The following ARHGAP35 variants were observed in gnomAD, a reference collection of about 807,000 sequenced individuals.
ARHGAP35 encodes Rho GTPase activating protein 35.
A neutral mutation model predicts 111.1 loss-of-function variants in ARHGAP35; 15 were observed. That is an observed-to-expected ratio of 0.13 (90% CI 0.09 to 0.21). The LOEUF (loss-of-function observed/expected upper bound fraction) is 0.21. Among genes scored for constraint, ARHGAP35 ranks in the 10% least tolerant of loss-of-function variants. The probability of loss-of-function intolerance (pLI) is 1.00; values close to 1 mark genes in which losing one functional copy is unlikely to be tolerated. For missense variants in ARHGAP35, 1,262 were observed against 1,873.0 expected (o/e 0.67, Z 6.02); for synonymous variants, 643 against 710.3 (o/e 0.91, Z 1.51).
chr19:46,891,976 A>T (rs949473053), intron 1 of ARHGAP35, among the ~76,000 whole-genome samples: 13 of 151,548 alleles, frequency 8.6e-5, no homozygotes, highest in Non-Finnish European at 1.9e-4. Context: ...TCCTGTCTTT[A>T]CCGAAAATAC....
rs2056745434 is a variant in ARHGAP35 at position 47,000,993 on chromosome 19, C to G, written c.*305C>G. 1 of 1,481,618 alleles carries G rather than the reference C, an allele frequency of 6.7e-7. No individual in the cohort carries two copies. The highest frequency in any genetic ancestry group is 1.4e-5 in the African/African-American group (1 of 71,898). The allele number at this position is 1,481,618 out of a possible 1,614,324, so 91.8% of individuals were successfully genotyped here. On this transcript the variant is annotated 3_prime_UTR_variant, in exon 7 of 7. Transcript: ENST00000672722. This position sits in a 1 kb window ranked among gnomAD's most constrained non-coding sequence, Gnocchi z 6.9. ...CACCCCACGTAGCTGCTCACACCAGCCTCCGGGTGCCTCCCTCTGCTTGTA... is the reference window on the plus strand; with the variant it reads ...CACCCCACGTAGCTGCTCACACCAGGCTCCGGGTGCCTCCCTCTGCTTGTA...
At chr19:46,916,216 G>T (rs1438436545) in intron 1 of ARHGAP35, among the ~76,000 whole-genome samples, 1 of 152,008 alleles carries the variant, frequency 6.6e-6, no homozygotes, top group African/African-American at 2.4e-5. Flanking sequence ...TTACAGGCGT[G>T]AGCCACCGCG....
intron 5 of ARHGAP35, among the ~76,000 whole-genome samples, chr19:46,996,591 T>G (rs112142551): frequency 6.6e-6 from 1 of 152,174 alleles, no homozygotes; most frequent in African/African-American, 2.4e-5. Context: ...CCAGCTCTTA[T>G]GTAAAGGTGC....
At position 47,000,441 on chromosome 19, in the gene ARHGAP35, C is replaced by T; in HGVS notation, c.4253C>T (p.Thr1418Met). 1.2e-6 allele frequency: 2 copies of T among 1,613,934 alleles called. No homozygotes were observed. Among genetic ancestry groups the T allele is most frequent in the Non-Finnish European group, 1.7e-6 (2 of 1,179,876 alleles). ...AGCACTATGGACGCCCTCACAGCCACGCGCACCTACCAGACAATCATTGAA... is the reference window on the plus strand; with the variant it reads ...AGCACTATGGACGCCCTCACAGCCATGCGCACCTACCAGACAATCATTGAA... ...DFSTMDALTA[T>M]RTYQTIIELF... Residue 1418 changes from threonine (T) to methionine (M), a missense_variant, in exon 7 of 7, where the codon ACG becomes ATG. Physicochemically the swap from Thr to Met is moderately conservative, Grantham distance 81. Around this residue, in one of 8 missense-constraint regions of ARHGAP35, gnomAD observed 23 missense variants for 63.9 expected, o/e 0.36. Transcript: ENST00000672722. The surrounding 1 kb of genome is among the most constrained non-coding windows in gnomAD (Gnocchi z 6.9).
intron 5 of ARHGAP35, among the ~76,000 whole-genome samples, chr19:46,998,735 G>A (rs914288630): frequency 3.3e-5 from 5 of 152,242 alleles, no homozygotes; most frequent in African/African-American, 1.2e-4. Flanking sequence ...TGGGCGTTGG[G>A]GGAAAAGGGG....
chr19:46,895,318 C>G (rs2056048097), intron 1 of ARHGAP35, among the ~76,000 whole-genome samples: 2 of 152,124 alleles, frequency 1.3e-5, no homozygotes, highest in Non-Finnish European at 2.9e-5. Flanking sequence ...CGCTCACCAC[C>G]ACGCCCGGCT....
intron 1 of ARHGAP35, among the ~76,000 whole-genome samples, chr19:46,891,439 T>G (rs563517358): frequency 6.6e-5 from 10 of 151,662 alleles, no homozygotes; most frequent in Admixed American, 5.9e-4. Context: ...TTTTTGTTTT[T>G]TTTTTTTAGA....
At chr19:46,973,278 T>C (rs374485591) in intron 3 of ARHGAP35, among the ~76,000 whole-genome samples, 36 of 152,002 alleles carry the variant, frequency 2.4e-4, no homozygotes, top group African/African-American at 8.4e-4. Context: ...CAGGAGAATC[T>C]GCTTGAACCT....
chr19:46,881,231 C>A (rs912697415), intron 1 of ARHGAP35, among the ~76,000 whole-genome samples: 3 of 152,166 alleles, frequency 2.0e-5, no homozygotes, highest in African/African-American at 4.8e-5. Context: ...TGAGCCACTG[C>A]GTCCAGCTCA....
At chr19:46,890,019 CTG>C (rs956958531) in intron 1 of ARHGAP35, among the ~76,000 whole-genome samples, 5 of 152,032 alleles carry the variant, frequency 3.3e-5, no homozygotes, top group Admixed American at 6.6e-5. Context: ...ATTTTGGGGT[CTG>C]TATATTTTCT....
At chr19:46,878,223 A>G (rs1007723397) in intron 1 of ARHGAP35, among the ~76,000 whole-genome samples, 1 of 152,044 alleles carries the variant, frequency 6.6e-6, no homozygotes, top group African/African-American at 2.4e-5. Context: ...GGATTTCTCC[A>G]CATTGACCAG....
chr19:46,864,221 C>A (rs1568456277), intron 1 of ARHGAP35, among the ~76,000 whole-genome samples: 1 of 152,156 alleles, frequency 6.6e-6, no homozygotes, highest in Non-Finnish European at 1.5e-5. Context: ...GGCTACCATT[C>A]CTGAGCGATT....
chr19:46,868,849 A>T (rs1352437021), intron 1 of ARHGAP35, among the ~76,000 whole-genome samples: 5 of 151,982 alleles, frequency 3.3e-5, no homozygotes, highest in South Asian at 2.1e-4. Context: ...ATACAGATAG[A>T]AATACATCTT....
At chr19:46,950,181 T>C (rs1421983014) in intron 3 of ARHGAP35, among the ~76,000 whole-genome samples, 1 of 152,246 alleles carries the variant, frequency 6.6e-6, no homozygotes, top group Non-Finnish European at 1.5e-5. Flanking sequence ...ACCTGGCTTC[T>C]TTCACTTAAC....
intron 1 of ARHGAP35, among the ~76,000 whole-genome samples, chr19:46,910,458 ATT>A (rs775045850): frequency 9.4e-5 from 13 of 138,990 alleles, no homozygotes; most frequent in Middle Eastern, 3.8e-3. Flanking sequence ...CACCCAGCGA[ATT>A]TTTTTTTTTT....
chr19:46,971,859 T>C (rs1372592756), intron 3 of ARHGAP35, among the ~76,000 whole-genome samples: 2 of 152,168 alleles, frequency 1.3e-5, no homozygotes, highest in Admixed American at 6.5e-5. Flanking sequence ...ATCTCACTTA[T>C]GTTTTTATGT....
At position 46,903,185 on chromosome 19, in the gene ARHGAP35, G is replaced by C. The variant is rs551582479; in HGVS notation, c.-188-15303G>C. 2.0e-5 allele frequency among the ~76,000 whole-genome samples: 3 copies of C among 152,222 alleles called. No individual in the cohort carries two copies. The East Asian group carries it at 5.8e-4, about 29-fold the overall frequency. ...TGGGGAGACACATGCAATAGTGAAG[G>C]AACTGGGTTGAGACACCTACTCATC... On this transcript the variant is annotated intron_variant, in intron 1 of 6. Transcript: ENST00000672722.
chr19:46,873,483 A>C (rs573246888), intron 1 of ARHGAP35, among the ~76,000 whole-genome samples: 1 of 151,946 alleles, frequency 6.6e-6, no homozygotes, highest in African/African-American at 2.4e-5. Context: ...AAATACAAAA[A>C]AAAAATTAGC....
At chr19:46,948,634 A>G (rs2056394343) in intron 3 of ARHGAP35, 1 of 152,144 alleles carries the variant, frequency 6.6e-6, no homozygotes, top group African/African-American at 2.4e-5. Flanking sequence ...TCTCAAAATT[A>G]TGCTTCTGAG....
Sources: allele counts gnomAD v4.1 joint callset (sites outside exome capture counted in the v4.1 genomes callset), GRCh38; gene constraint gnomAD v4.1.1; regional missense constraint gnomAD v4.1.1; non-coding constraint Gnocchi (gnomAD v3.1); transcripts MANE v1.5; gene names NCBI Gene and HGNC (gene_info 2026-07-23, HGNC 2026-07-21).